CSMD3: variants seen among roughly 807,000 people sequenced by gnomAD.
The protein encoded by CSMD3 is CUB and Sushi multiple domains 3.
Under a neutral mutation model 435.2 loss-of-function variants are expected in CSMD3, and 177 were observed. That is an observed-to-expected ratio of 0.41 (90% CI 0.36 to 0.46). The LOEUF is 0.46. Ranked by LOEUF, CSMD3 falls within the 20% of genes least tolerant of loss-of-function variation. CSMD3 has a pLI of 0.34. For synonymous variants in CSMD3, 1,656 were observed against 1,520.5 expected, an observed-to-expected ratio of 1.09 and a Z score of -2.07; for missense variants, 4,265 against 4,504.6, an observed-to-expected ratio of 0.95 and a Z score of 1.52.
rs770822339 is a variant in CSMD3, at chr8:112,378,209, C to T, written c.6136+2143G>A. Among the ~76,000 whole-genome samples, 5 of 148,486 alleles carry T rather than the reference C, an allele frequency of 3.4e-5. No individual in the cohort carries two copies. The East Asian group carries it at 8.0e-4, about 24-fold the overall frequency. On this transcript the variant is annotated intron_variant, in intron 38 of 70. Transcript: ENST00000297405. ...AAAGGGAACTCTTATACGTTGTTGG[C>T]GAGAATGAAAATTAGTCAAGGTATT...
In CSMD3 at chr8:112,506,970, C is replaced by G. The variant is rs1276898831; in HGVS notation, c.4757-141G>C. ...TTTTATAGTACTTGATGCTTGGATACAGCATTATGTTTCAAGAAAGACCAT... is the reference window on the plus strand; with the variant it reads ...TTTTATAGTACTTGATGCTTGGATAGAGCATTATGTTTCAAGAAAGACCAT... On this transcript the variant is annotated intron_variant, in intron 28 of 70. Transcript: ENST00000297405. 7.0e-6 allele frequency: 5 copies of G among 713,186 alleles called. No homozygotes were observed. In the African/African-American group the frequency reaches 8.9e-5, roughly 13 times the overall value. 44.2% of individuals were successfully genotyped at this position (713,186 alleles called of 1,614,324 possible).
At chr8:112,628,698 C>T (rs1163542777) in intron 22 of CSMD3, among the ~76,000 whole-genome samples, 2 of 152,032 alleles carry the variant, frequency 1.3e-5, no homozygotes, top group Admixed American at 1.3e-4. Flanking sequence ...ATGCTAAACA[C>T]TGTTGTAGAT....
In CSMD3 at chr8:113,019,527, ATTGT is replaced by A. The variant is rs1182141632; in HGVS notation, c.918-352_918-349del. On this transcript the variant is annotated intron_variant, in intron 5 of 70. Coordinates refer to ENST00000297405, the MANE Select transcript of CSMD3 (RefSeq NM_198123.2). ...TTTATCATTTATTAATATGTTATAT[ATTGT>A]TTATTATTTATTATATCTTATTTAT... 1.0e-4 allele frequency among the ~76,000 whole-genome samples: 15 copies of A among 148,896 alleles called. No individual in the cohort carries two copies. In the East Asian group the frequency reaches 1.4e-3, roughly 14 times the overall value.
At position 112,866,477 on chromosome 8, in the gene CSMD3, G is replaced by GTTA. The variant is rs570196606; in HGVS notation, c.1634-7214_1634-7212dup. Among the ~76,000 whole-genome samples the GTTA allele has an allele frequency of 4.5e-4, 68 of 152,210 alleles. No individual in the cohort carries two copies. In the East Asian group the frequency reaches 0.013, roughly 28 times the overall value. On this transcript the variant is annotated intron_variant, in intron 10 of 70. Transcript: ENST00000297405. ...GAGGCCTTTACTATATCAGAGTAAT[G>GTTA]TTATTATTATTATTTAAACTGTTTG...
intron 3 of CSMD3, among the ~76,000 whole-genome samples, chr8:113,254,379 G>A (rs865788738): frequency 9.2e-5 from 14 of 152,304 alleles, no homozygotes; most frequent in Middle Eastern, 6.8e-3. Flanking sequence ...GTCCAGGCGT[G>A]TTCAGCATGG....
intron 13 of CSMD3, among the ~76,000 whole-genome samples, chr8:112,785,277 T>C (rs2078508040): frequency 6.6e-6 from 1 of 151,868 alleles, no homozygotes; most frequent in African/African-American, 2.4e-5. Flanking sequence ...ATAAAAGCCA[T>C]ATACAACAGA....
intron 32 of CSMD3, among the ~76,000 whole-genome samples, chr8:112,441,170 A>C (rs1421733432): frequency 1.3e-5 from 2 of 152,120 alleles, no homozygotes; most frequent in Non-Finnish European, 2.9e-5. Flanking sequence ...TCAAGTTCAA[A>C]GTTCCACAGA....
At chr8:113,432,323 CA>C in intron 1 of CSMD3, among the ~76,000 whole-genome samples, 1 of 152,190 alleles carries the variant, frequency 6.6e-6, no homozygotes, top group East Asian at 1.9e-4. Context: ...TCCCCAAAGA[CA>C]AGACCGCATT....
At chr8:112,332,841 C>A (rs1449664389) in intron 45 of CSMD3, among the ~76,000 whole-genome samples, 7 of 152,104 alleles carry the variant, frequency 4.6e-5, no homozygotes, top group Non-Finnish European at 8.8e-5. Context: ...AGGCATTATG[C>A]TACCTGTATA....
At chr8:112,665,822 C>T (rs890354054) in intron 17 of CSMD3, among the ~76,000 whole-genome samples, 1 of 152,100 alleles carries the variant, frequency 6.6e-6, no homozygotes, top group African/African-American at 2.4e-5. Context: ...TCCACCATTA[C>T]TACATACTAC....
At chr8:113,357,511 T>C (rs1296584632) in intron 1 of CSMD3, among the ~76,000 whole-genome samples, 2 of 152,178 alleles carry the variant, frequency 1.3e-5, no homozygotes, top group Non-Finnish European at 2.9e-5. Flanking sequence ...AATTTAAAAA[T>C]GAAAGAAGTA....
At chr8:112,874,159 G>A (rs937473479) in intron 10 of CSMD3, among the ~76,000 whole-genome samples, 1 of 151,960 alleles carries the variant, frequency 6.6e-6, no homozygotes, top group Non-Finnish European at 1.5e-5. Flanking sequence ...CCTTAATTTT[G>A]TTATTTACCC....
At chr8:113,374,962 T>C (rs75109115) in intron 1 of CSMD3, among the ~76,000 whole-genome samples, 260 of 152,146 alleles carry the variant, frequency 1.7e-3, no homozygotes, top group South Asian at 1.0e-2. Context: ...GTTTTTACAG[T>C]TGGAAGACAG....
At chr8:112,236,904 A>G (rs145127286) in intron 67 of CSMD3, among the ~76,000 whole-genome samples, 88 of 152,236 alleles carry the variant, frequency 5.8e-4, no homozygotes, top group African/African-American at 1.9e-3. Context: ...ATTTAGTTGT[A>G]TTCATACCTA....
intron 45 of CSMD3, among the ~76,000 whole-genome samples, chr8:112,320,189 T>C (rs7828364): frequency 0.67 from 101,636 of 152,000 alleles, 35,772 homozygotes; most frequent in African/African-American, 0.89. Flanking sequence ...CTTTTTATTC[T>C]TTATTTCTTA....
intron 24 of CSMD3, among the ~76,000 whole-genome samples, chr8:112,562,379 A>AT (rs913353691): frequency 1.3e-5 from 2 of 151,576 alleles, no homozygotes; most frequent in East Asian, 3.9e-4. Flanking sequence ...TACTTGCTTT[A>AT]TTTTTTTAAT....
At chr8:113,344,248 A>G (rs1302763764) in intron 1 of CSMD3, among the ~76,000 whole-genome samples, 1 of 152,138 alleles carries the variant, frequency 6.6e-6, no homozygotes, top group South Asian at 2.1e-4. Flanking sequence ...TGGTCCATTT[A>G]TAACTGCTTA....
chr8:112,371,907 A>T (rs55962846), intron 38 of CSMD3, among the ~76,000 whole-genome samples: 27,840 of 151,974 alleles, frequency 0.18, 3,049 homozygotes, highest in Middle Eastern at 0.34. Flanking sequence ...AACCAAAAAA[A>T]CAAAAAACAA....
At chr8:112,701,294 A>G (rs1261761760) in intron 13 of CSMD3, among the ~76,000 whole-genome samples, 1 of 152,120 alleles carries the variant, frequency 6.6e-6, no homozygotes, top group Non-Finnish European at 1.5e-5. Flanking sequence ...TTTTTTTGAA[A>G]AGGGGATTGC....
Sources: gnomAD v4.1 joint callset for allele counts (sites outside exome capture counted in the v4.1 genomes callset) on GRCh38, gnomAD v4.1.1 for gene constraint, MANE v1.5 for transcripts, NCBI Gene and HGNC (gene_info 2026-07-23, HGNC 2026-07-21) for gene names.